RBFOX1: variants seen among roughly 807,000 people sequenced by gnomAD.
The protein encoded by RBFOX1 is RNA binding fox-1 homolog 1.
RBFOX1 carries 8 observed loss-of-function variants against 57.7 expected under a neutral mutation model. That is an observed-to-expected ratio of 0.14 (90% CI 0.08 to 0.25). The LOEUF (loss-of-function observed/expected upper bound fraction) is 0.25, where lower values mean the gene tolerates loss of function less well. RBFOX1 is among the 10% of genes least tolerant of loss of function. RBFOX1 has a pLI of 1.00. For missense variants in RBFOX1, 611 were observed against 548.5 expected (o/e 1.11, Z -1.14); for synonymous variants, 326 against 222.4 (o/e 1.47, Z -4.15).
At chr16:5,730,770 A>G (rs1390507725) in intron 3 of RBFOX1, among the ~76,000 whole-genome samples, 2 of 152,158 alleles carry the variant, frequency 1.3e-5, no homozygotes, top group East Asian at 3.9e-4. Context: ...TATCACTGCT[A>G]CCATTGTCAC....
At chr16:5,578,174 T>C (rs2046532610) in intron 2 of RBFOX1, among the ~76,000 whole-genome samples, 1 of 152,074 alleles carries the variant, frequency 6.6e-6, no homozygotes, top group African/African-American at 2.4e-5. Context: ...ATGGTTTTGA[T>C]CTCTTGACCT....
At chr16:6,498,542 G>A (rs1000211900) in intron 2 of RBFOX1, among the ~76,000 whole-genome samples, 1 of 152,084 alleles carries the variant, frequency 6.6e-6, no homozygotes, top group Non-Finnish European at 1.5e-5. Context: ...TTGCCTGCAG[G>A]TGTTCCTCTC....
chr16:7,304,083 T>G, intron 4 of RBFOX1: 3 of 444,798 alleles, frequency 6.7e-6, no homozygotes, highest in Non-Finnish European at 8.9e-6. Flanking sequence ...TCCCCGCAAG[T>G]GTTTTAGTTG....
chr16:6,313,827 A>AG (rs1359614583), intron 1 of RBFOX1, among the ~76,000 whole-genome samples: 2 of 151,164 alleles, frequency 1.3e-5, no homozygotes, highest in Non-Finnish European at 3.0e-5. Context: ...ATTTTAGTTA[A>AG]AAAAAAAATA....
chr16:7,495,963 C>G (rs1489373972), intron 4 of RBFOX1, among the ~76,000 whole-genome samples: 1 of 152,062 alleles, frequency 6.6e-6, no homozygotes, highest in African/African-American at 2.4e-5. Flanking sequence ...ATGTTTGAAT[C>G]CTGTAGATTC....
chr16:5,673,465 G>C (rs1378260234), intron 3 of RBFOX1, among the ~76,000 whole-genome samples: 1 of 152,164 alleles, frequency 6.6e-6, no homozygotes, highest in Non-Finnish European at 1.5e-5. Flanking sequence ...CTGGCTTTCA[G>C]CACAGGTCAT....
intron 1 of RBFOX1, among the ~76,000 whole-genome samples, chr16:6,172,261 G>A (rs1044496196): frequency 6.6e-6 from 1 of 152,142 alleles, no homozygotes; most frequent in Non-Finnish European, 1.5e-5. Context: ...TAGGGAGAGT[G>A]GGCCCCGGAC....
At chr16:7,304,357 C>T (rs1202561987) in intron 4 of RBFOX1, 4 of 985,394 alleles carry the variant, frequency 4.1e-6, no homozygotes, top group Admixed American at 1.2e-4. Context: ...AGCGTCCCCA[C>T]TCGGGCTCGG....
At chr16:7,229,590 A>G (rs1300899551) in intron 4 of RBFOX1, among the ~76,000 whole-genome samples, 1 of 117,948 alleles carries the variant, frequency 8.5e-6, no homozygotes, top group Non-Finnish European at 1.6e-5. Context: ...AAAGGGAGAG[A>G]GAGGAAGGAA....
At chr16:7,109,446 T>C (rs891650304) in intron 4 of RBFOX1, among the ~76,000 whole-genome samples, 4 of 152,072 alleles carry the variant, frequency 2.6e-5, no homozygotes, top group African/African-American at 9.7e-5. Flanking sequence ...AGAAGGAAAG[T>C]GAGGCCCCCA....
At chr16:6,159,822 T>C (rs1049157960) in intron 1 of RBFOX1, among the ~76,000 whole-genome samples, 2 of 152,218 alleles carry the variant, frequency 1.3e-5, no homozygotes, top group Admixed American at 1.3e-4. Context: ...GAAGTGGGCA[T>C]GCAAAGTAAC....
chr16:6,190,557 C>T (rs575998333), intron 1 of RBFOX1, among the ~76,000 whole-genome samples: 3 of 152,258 alleles, frequency 2.0e-5, no homozygotes, highest in Admixed American at 2.0e-4. Flanking sequence ...TGAGAAAAAT[C>T]GACTTAAATC....
rs368444738 is a variant in RBFOX1, at chr16:6,685,183, C to G, written c.-16+30533C>G. Among the ~76,000 whole-genome samples, 79 of 151,774 alleles carry G rather than the reference C, an allele frequency of 5.2e-4. 1 individual carries two copies. The South Asian group carries it at 0.016, about 30-fold the overall frequency. The stretch of plus-strand genomic sequence containing the variant: ...CTTTTCTTTATTCCTGCTGTACTTA[C>G]TAACCAAAAATAAAGACAGGAGGTG... On this transcript the variant is annotated intron_variant, in intron 3 of 15. Coordinates refer to ENST00000550418, the MANE Select transcript of RBFOX1 (RefSeq NM_018723.4).
At chr16:7,060,141 T>G (rs1165144506) in intron 4 of RBFOX1, among the ~76,000 whole-genome samples, 1 of 152,176 alleles carries the variant, frequency 6.6e-6, no homozygotes, top group Non-Finnish European at 1.5e-5. Flanking sequence ...AAAGCCAGAT[T>G]GTGACTATTT....
At chr16:5,948,665 C>G (rs1233794934) in intron 4 of RBFOX1, among the ~76,000 whole-genome samples, 2 of 152,158 alleles carry the variant, frequency 1.3e-5, no homozygotes, top group African/African-American at 2.4e-5. Context: ...AGATTTCCAG[C>G]AGCAACAAGA....
At chr16:6,929,972 G>A (rs1039609324) in intron 3 of RBFOX1, among the ~76,000 whole-genome samples, 1 of 152,102 alleles carries the variant, frequency 6.6e-6, no homozygotes, top group Non-Finnish European at 1.5e-5. Flanking sequence ...AGAATGACTG[G>A]CAAACCTGTC....
intron 4 of RBFOX1, among the ~76,000 whole-genome samples, chr16:7,407,983 C>T (rs1169410993): frequency 1.3e-5 from 2 of 152,096 alleles, no homozygotes; most frequent in Non-Finnish European, 2.9e-5. Flanking sequence ...AATGTATGGC[C>T]CACAGTGCCT....
chr16:6,551,883 A>G (rs1345883290), intron 2 of RBFOX1, among the ~76,000 whole-genome samples: 3 of 152,182 alleles, frequency 2.0e-5, no homozygotes, highest in Non-Finnish European at 2.9e-5. Context: ...GAGTGGGAAA[A>G]GCCTTCAGCT....
At chr16:5,266,434 G>A (rs545948298) in intron 1 of RBFOX1, among the ~76,000 whole-genome samples, 10 of 152,244 alleles carry the variant, frequency 6.6e-5, no homozygotes, top group African/African-American at 2.2e-4. Flanking sequence ...TGAAATAGGT[G>A]GAGGTTGTTG....
Sources: allele counts gnomAD v4.1 joint callset (sites outside exome capture counted in the v4.1 genomes callset), GRCh38; gene constraint gnomAD v4.1.1; transcripts MANE v1.5; gene names NCBI Gene and HGNC (gene_info 2026-07-23, HGNC 2026-07-21).